The following PDIA3 variants were observed in gnomAD, a reference collection of about 807,000 sequenced individuals.
PDIA3 encodes protein disulfide isomerase family A member 3.
A neutral mutation model predicts 56.9 loss-of-function variants in PDIA3; 16 were observed. The observed-to-expected ratio is 0.28, with a 90% CI of 0.19 to 0.43. The LOEUF (loss-of-function observed/expected upper bound fraction) is 0.43. PDIA3 is among the 20% of genes least tolerant of loss of function. The pLI is 1.00. For missense variants in PDIA3, 485 were observed against 621.3 expected (o/e 0.78, Z 2.33); for synonymous variants, 192 against 216.5 (o/e 0.89, Z 0.99).
intron 12 of PDIA3, 54 bp from the exon 13 acceptor site, chr15:43,771,051 C>A: frequency 1.8e-6 from 2 of 1,142,044 alleles, no homozygotes; most frequent in Non-Finnish European, 2.6e-6. Context: ...TTGGGTGGGG[C>A]AGATCAGGGT....
At position 43,764,489 on chromosome 15, in the gene PDIA3, CAG is replaced by C. The variant is rs550828973; in HGVS notation, c.603-958_603-957del. ...AGTTTATTTTTTTATTTTTTTCAGA[CAG>C]AGTCTCGCCCTTGTTGCCCAGGCTG... On this transcript the variant is annotated intron_variant, in intron 5 of 12. Transcript: ENST00000300289. 3.5e-4 allele frequency among the ~76,000 whole-genome samples: 54 copies of C among 152,202 alleles called. No individual in the cohort carries two copies. In the East Asian group the frequency reaches 0.01, roughly 29 times the overall value.
intron 1 of PDIA3, among the ~76,000 whole-genome samples, chr15:43,750,779 A>C (rs1269129842): frequency 6.6e-6 from 1 of 152,014 alleles, no homozygotes; most frequent in Admixed American, 6.5e-5. Context: ...TCTCAAAAAA[A>C]AAAAAAGTCC....
Position 43,771,699 on chromosome 15 carries a change from T to G in PDIA3, c.*481T>G. 1 of 398,866 alleles carries G rather than the reference T, an allele frequency of 2.5e-6. No homozygotes were observed. The highest frequency in any genetic ancestry group is 4.4e-6 in the Non-Finnish European group (1 of 226,496). The allele number at this position is 398,866 out of a possible 1,614,324, so 24.7% of individuals were successfully genotyped here. On this transcript the variant is annotated 3_prime_UTR_variant, in exon 13 of 13. Coordinates refer to ENST00000300289, the MANE Select transcript of PDIA3 (RefSeq NM_005313.5). ...TATGGCTAGAAACTACATTTTTGTT[T>G]TGATTAATTTAAATAGCCATACAGT...
At chr15:43,751,523 A>G in intron 1 of PDIA3, 3 of 1,054,998 alleles carry the variant, frequency 2.8e-6, no homozygotes, top group Middle Eastern at 6.1e-4. Context: ...TGAAAGAAGT[A>G]GTGGTTAATC....
chr15:43,747,705 A>C (rs1447665594), intron 1 of PDIA3, among the ~76,000 whole-genome samples: 1 of 152,172 alleles, frequency 6.6e-6, no homozygotes, highest in Non-Finnish European at 1.5e-5. Context: ...CTCCTGGCAC[A>C]GTGACCCTTG....
intron 2 of PDIA3, 107 bp from the exon 3 acceptor site, chr15:43,756,542 T>C (rs2086779462): frequency 1.4e-6 from 1 of 710,500 alleles, no homozygotes; most frequent in African/African-American, 1.8e-5. Flanking sequence ...ATGCCAAGAA[T>C]TCCTTGATCC....
At chr15:43,760,214 G>A (rs1486959567) in intron 3 of PDIA3, among the ~76,000 whole-genome samples, 1 of 151,976 alleles carries the variant, frequency 6.6e-6, no homozygotes, top group East Asian at 1.9e-4. Flanking sequence ...AACATAGTGA[G>A]ACCCCGTCTT....
In PDIA3 at chr15:43,762,301, C is replaced by T. The variant is rs892862854; in HGVS notation, c.472+770C>T. On this transcript the variant is annotated intron_variant, in intron 4 of 12. Coordinates refer to ENST00000300289, the MANE Select transcript of PDIA3 (RefSeq NM_005313.5). Reference sequence around the variant, plus strand: ...CTGAAGCGGGCGGATCACCTGAGGTCGGGAGTTTGAGACCAACCTGACCAA... The same window carrying T: ...CTGAAGCGGGCGGATCACCTGAGGTTGGGAGTTTGAGACCAACCTGACCAA... Among the ~76,000 whole-genome samples, 4 of 151,938 alleles carry T rather than the reference C, an allele frequency of 2.6e-5. 1 individual carries two copies. In the Admixed American group the frequency reaches 2.6e-4, roughly 10 times the overall value.
intron 5 of PDIA3, among the ~76,000 whole-genome samples, chr15:43,764,515 T>C (rs1197249112): frequency 6.6e-6 from 1 of 152,232 alleles, no homozygotes; most frequent in Non-Finnish European, 1.5e-5. Context: ...TTGCCCAGGC[T>C]GGAGTGCAGT....
At position 43,770,535 on chromosome 15, in the gene PDIA3, A is replaced by G. The variant is rs752148017; in HGVS notation, c.1359A>G (p.Ile453Met). ...TTTCTTTCCCCAGTTTTCCTACCATATACTTCTCTCCAGCCAACAAGAAGC... is the reference window on the plus strand; with the variant it reads ...TTTCTTTCCCCAGTTTTCCTACCATGTACTTCTCTCCAGCCAACAAGAAGC... ...SPYEVRGFPT[I>M]YFSPANKKLN... The change falls in exon 12 of 13, where the codon ATA becomes ATG. Residue 453 changes from isoleucine (I) to methionine (M), a missense_variant. Physicochemically the swap from Ile to Met is conservative, Grantham distance 10 (BLOSUM62 1). Coordinates refer to ENST00000300289, the MANE Select transcript of PDIA3 (RefSeq NM_005313.5). The G allele has an allele frequency of 8.1e-6, 13 of 1,611,628 alleles. No homozygotes were observed. The African/African-American group carries it at 1.6e-4, about 20-fold the overall frequency.
Position 43,771,184 on chromosome 15 carries a change from C to G in PDIA3, c.1484C>G (p.Pro495Arg), listed in dbSNP as rs754349524. 6.2e-7 allele frequency: 1 copy of G among 1,611,564 alleles called. No homozygotes were observed. The highest frequency in any genetic ancestry group is 1.1e-5 in the South Asian group (1 of 90,982). Residue 495 changes from proline to arginine, a missense_variant, in exon 13 of 13, where the codon CCC (proline) becomes CGC (arginine). Coordinates refer to ENST00000300289, the MANE Select transcript of PDIA3 (RefSeq NM_005313.5). Reference protein sequence around the residue: ...TNPPVIQEEKPKKKKKAQEDL With the variant: ...TNPPVIQEEKRKKKKKAQEDL Reference sequence around the variant, plus strand: ...CCCCCTGTAATTCAAGAAGAAAAACCCAAGAAGAAGAAGAAGGCACAGGAG... The same window carrying G: ...CCCCCTGTAATTCAAGAAGAAAAACGCAAGAAGAAGAAGAAGGCACAGGAG...
intron 2 of PDIA3, among the ~76,000 whole-genome samples, chr15:43,754,392 C>CAAA (rs1048781007): frequency 9.8e-5 from 5 of 51,168 alleles, no homozygotes; most frequent in East Asian, 5.9e-4. Flanking sequence ...GACTCCGTCT[C>CAAA]AAAAAAAAAA....
chr15:43,761,241 CA>C (rs34237990), intron 3 of PDIA3, among the ~76,000 whole-genome samples, 182 bp from the exon 4 acceptor site: 67,112 of 95,722 alleles, frequency 0.7, 21,017 homozygotes, highest in East Asian at 0.91. Flanking sequence ...GACTCTGTCT[CA>C]AAAAAAAAAA....
Position 43,753,839 on chromosome 15 carries a change from G to C in PDIA3, c.183G>C (p.Lys61Asn), listed in dbSNP as rs535800039. 1 of 1,613,368 alleles carries C rather than the reference G, an allele frequency of 6.2e-7. No individual in the cohort carries two copies. The highest frequency in any genetic ancestry group is 1.1e-5 in the South Asian group (1 of 91,058). The change falls in exon 2 of 13, where the codon AAG (lysine) becomes AAC (asparagine). Residue 61 changes from lysine to asparagine, a missense_variant. Physicochemically the swap from Lys to Asn is moderately conservative, Grantham distance 94 (BLOSUM62 0). Coordinates refer to ENST00000300289, the MANE Select transcript of PDIA3 (RefSeq NM_005313.5). ...EFFAPWCGHC[K>N]RLAPEYEAAA... Reference sequence around the variant, plus strand: ...ACGTATATAGGTGTGGACACTGCAAGAGACTTGCACCTGAGTATGAAGCTG... The same window carrying C: ...ACGTATATAGGTGTGGACACTGCAACAGACTTGCACCTGAGTATGAAGCTG...
At position 43,765,880 on chromosome 15, in the gene PDIA3, A is replaced by G; in HGVS notation, c.720-7A>G. The G allele has an allele frequency of 1.2e-6, 2 of 1,604,034 alleles. No individual in the cohort carries two copies. Among genetic ancestry groups the G allele is most frequent in the East Asian group, 2.2e-5 (1 of 44,764 alleles). On this transcript the variant is annotated splice_region_variant and splice_polypyrimidine_tract_variant and intron_variant, in intron 6 of 12. Coordinates refer to ENST00000300289, the MANE Select transcript of PDIA3 (RefSeq NM_005313.5). ...AAGCCAGTTGATAATGGATTATTTC[A>G]TTTCAGTTTTGGTATCTGCCCTCAC... is the stretch of plus-strand genomic sequence containing the variant.
intron 1 of PDIA3, chr15:43,752,875 G>A: frequency 2.1e-6 from 1 of 471,118 alleles, no homozygotes; most frequent in Admixed American, 2.3e-5. Flanking sequence ...TACAGCTGGT[G>A]CTAGCTGTAT....
rs2086708296 is a variant in PDIA3, at chr15:43,746,721, C to T, written c.167+15C>T. 1.9e-6 allele frequency: 3 copies of T among 1,611,612 alleles called. No homozygotes were observed. The highest frequency in any genetic ancestry group is 1.6e-4 in the Middle Eastern group (1 of 6,080). ...TTCGCCCCCTGGTGAGTCCATTCTGCCGAGGCGGGGGAAGAAAGGCGGGGC... is the reference window on the plus strand; with the variant it reads ...TTCGCCCCCTGGTGAGTCCATTCTGTCGAGGCGGGGGAAGAAAGGCGGGGC... On this transcript the variant is annotated intron_variant, in intron 1 of 12. Coordinates refer to ENST00000300289, the MANE Select transcript of PDIA3 (RefSeq NM_005313.5).
At chr15:43,769,137 A>G (rs2086866331) in intron 9 of PDIA3, among the ~76,000 whole-genome samples, 1 of 152,114 alleles carries the variant, frequency 6.6e-6, no homozygotes, top group Admixed American at 6.5e-5. Flanking sequence ...TCTTGAGGAT[A>G]GAGCAACCCC....
At chr15:43,746,893 G>C (rs564649153) in intron 1 of PDIA3, 187 bp downstream of exon 1, 722 of 639,726 alleles carry the variant, frequency 1.1e-3, no homozygotes, top group Non-Finnish European at 1.5e-3. Flanking sequence ...GGTGCTGATC[G>C]GCCCAAGGAA....
Sources: gnomAD v4.1 joint callset for allele counts (sites outside exome capture counted in the v4.1 genomes callset) on GRCh38, gnomAD v4.1.1 for gene constraint, MANE v1.5 for transcripts, NCBI Gene and HGNC (gene_info 2026-07-23, HGNC 2026-07-21) for gene names.